The following NRG4 variants were observed in gnomAD, a reference collection of about 807,000 sequenced individuals.
The protein encoded by NRG4 is pro-neuregulin-4, membrane-bound isoform.
In NRG4, 10 loss-of-function variants were observed where a neutral mutation model predicts 15.0. That is an observed-to-expected ratio of 0.67 (90% CI 0.41 to 1.13). The LOEUF (loss-of-function observed/expected upper bound fraction) is 1.13, where lower values mean the gene tolerates loss of function less well. Among genes scored for constraint, NRG4 ranks in the 50% most tolerant of loss-of-function variants. NRG4 has a pLI of 0.00. For synonymous variants in NRG4, 41 were observed against 50.1 expected (o/e 0.82, Z 0.77); for missense variants, 139 against 140.2 (o/e 0.99, Z 0.04).
chr15:75,944,849 A>C (rs2031375505), intron 5 of NRG4, among the ~76,000 whole-genome samples: 1 of 152,088 alleles, frequency 6.6e-6, no homozygotes, highest in South Asian at 2.1e-4. Flanking sequence ...CGGTCAAATG[A>C]ACTAATTTTG....
At chr15:75,944,955 C>CTT (rs397714796) in intron 5 of NRG4, among the ~76,000 whole-genome samples, 36,912 of 148,972 alleles carry the variant, frequency 0.25, 5,372 homozygotes, top group Non-Finnish European at 0.33. Context: ...TTTTTTAATA[C>CTT]TTTTTTTTTT....
intron 3 of NRG4, among the ~76,000 whole-genome samples, chr15:75,979,249 T>C (rs762078871): frequency 3.3e-5 from 5 of 152,190 alleles, no homozygotes; most frequent in Non-Finnish European, 5.9e-5. Context: ...AATAGTTTCA[T>C]AGTTTCAGGT....
chr15:76,023,175 CACACACACAA>C (rs1472436938), intron 5 of NRG4, among the ~76,000 whole-genome samples: 1 of 139,590 alleles, frequency 7.2e-6, no homozygotes, highest in Non-Finnish European at 1.5e-5. Context: ...CACACACACA[CACACACACAA>C]GCAAGGACCA....
intron 4 of NRG4, among the ~76,000 whole-genome samples, chr15:76,048,238 G>A (rs987020816): frequency 6.7e-6 from 1 of 150,320 alleles, no homozygotes; most frequent in Non-Finnish European, 1.5e-5. Flanking sequence ...TTGGGAGGCC[G>A]AGGCAGGCAG....
intron 4 of NRG4, among the ~76,000 whole-genome samples, chr15:75,960,919 T>C (rs2032484392): frequency 1.3e-5 from 2 of 152,196 alleles, no homozygotes; most frequent in African/African-American, 4.8e-5. Context: ...GAATAAACTA[T>C]TTAATACCAC....
Position 76,022,116 on chromosome 15 carries a change from C to CCA in NRG4, c.-56-10831_-56-10830insTG, listed in dbSNP as rs2035174592. The stretch of plus-strand genomic sequence containing the variant: ...GCCTGCTGCTCACCTGCTGTGTGGC[C>CCA]TGGTTCCTAATAGGCCACAGTCTGG... On this transcript the variant is annotated intron_variant, in intron 5 of 8. Transcript: ENST00000563910. 2.6e-5 allele frequency among the ~76,000 whole-genome samples: 4 copies of CCA among 152,190 alleles called. 1 individual carries two copies. The highest frequency in any genetic ancestry group is 1.3e-4 in the Admixed American group (2 of 15,282).
intron 5 of NRG4, among the ~76,000 whole-genome samples, chr15:76,035,014 A>T (rs2035566690): frequency 6.6e-6 from 1 of 152,216 alleles, no homozygotes; most frequent in Non-Finnish European, 1.5e-5. Flanking sequence ...CTGCCATTGA[A>T]CGGCAGGCAC....
intron 3 of NRG4, among the ~76,000 whole-genome samples, chr15:75,980,558 T>C (rs2033565929): frequency 1.3e-5 from 2 of 152,170 alleles, no homozygotes; most frequent in South Asian, 4.1e-4. Flanking sequence ...TCAGTATGAA[T>C]GTCAGGCGTA....
intron 3 of NRG4, among the ~76,000 whole-genome samples, chr15:75,981,374 A>G (rs1427762465): frequency 6.6e-6 from 1 of 152,056 alleles, no homozygotes; most frequent in Non-Finnish European, 1.5e-5. Flanking sequence ...GAGAACAACC[A>G]CCCAGCATCA....
chr15:75,939,269 T>G (rs2030692147), downstream of NRG4: 1 of 152,080 alleles, frequency 6.6e-6, no homozygotes, highest in East Asian at 1.9e-4. Flanking sequence ...GCACTCTAGA[T>G]TCTAGAAAAA....
intron 5 of NRG4, among the ~76,000 whole-genome samples, chr15:76,032,846 T>C (rs185529204): frequency 1.3e-5 from 2 of 152,352 alleles, no homozygotes; most frequent in Admixed American, 6.5e-5. Flanking sequence ...TAAAAGTAGA[T>C]GTTCTGATAT....
intron 3 of NRG4, among the ~76,000 whole-genome samples, chr15:75,979,201 A>G (rs2033499369): frequency 6.6e-6 from 1 of 152,166 alleles, no homozygotes; most frequent in Admixed American, 6.5e-5. Context: ...CTTTGCCCAG[A>G]TCAGTGTCCT....
chr15:76,044,370 G>C (rs1391415013), intron 4 of NRG4, among the ~76,000 whole-genome samples: 1 of 150,596 alleles, frequency 6.6e-6, no homozygotes, highest in South Asian at 2.1e-4. Flanking sequence ...TCAATAAATG[G>C]TGCTGGGAAA....
At chr15:76,050,597 A>ATTTT (rs35228253) in intron 4 of NRG4, among the ~76,000 whole-genome samples, 3 of 108,954 alleles carry the variant, frequency 2.8e-5, no homozygotes, top group Admixed American at 9.7e-5. Flanking sequence ...CGCTCGGCTA[A>ATTTT]TTTTTTTTTT....
At position 76,043,327 on chromosome 15, in the gene NRG4, G is replaced by C. The variant is rs1381928365; in HGVS notation, c.-104-7336C>G. ...AATAGGACAAGAGAAAGAAATAAAGGGCATTCAGATTGGAAAGGAAGAAAT... is the reference window on the plus strand; with the variant it reads ...AATAGGACAAGAGAAAGAAATAAAGCGCATTCAGATTGGAAAGGAAGAAAT... On this transcript the variant is annotated intron_variant, in intron 4 of 8. Coordinates refer to the NRG4 transcript ENST00000563910. 2.0e-5 allele frequency among the ~76,000 whole-genome samples: 3 copies of C among 152,182 alleles called. No homozygotes were observed. In the East Asian group the frequency reaches 5.8e-4, roughly 29 times the overall value.
At chr15:75,950,628 T>G (rs2031821389) in intron 5 of NRG4, 2 of 234,446 alleles carry the variant, frequency 8.5e-6, no homozygotes, top group Non-Finnish European at 1.9e-5. Context: ...TTTGGATCTG[T>G]TTCAAGTAGC....
At chr15:75,975,651 T>G (rs1224940531) in intron 3 of NRG4, among the ~76,000 whole-genome samples, 1 of 152,210 alleles carries the variant, frequency 6.6e-6, no homozygotes, top group East Asian at 1.9e-4. Flanking sequence ...GAAAATTCTT[T>G]TCTTTAAGAA....
At chr15:76,015,557 G>A (rs1368716431), upstream of NRG4, among the ~76,000 whole-genome samples, 2 of 152,084 alleles carry the variant, frequency 1.3e-5, no homozygotes, top group South Asian at 4.1e-4. Context: ...TAGCATAAAG[G>A]GGTATTGACT....
chr15:76,021,126 C>A lies in NRG4; in HGVS notation c.-56-9840G>T, dbSNP rs114672407. Among the ~76,000 whole-genome samples the A allele has an allele frequency of 6.9e-3, 1,055 of 152,326 alleles. 17 individuals carry two copies. Among genetic ancestry groups the A allele is most frequent in the African/African-American group, 0.023 (967 of 41,568 alleles). ...TAAGCTGAAGCCAACACTCATCCAT[C>A]ATTCTGAAAATCCTAGGGCCCTTAA... On this transcript the variant is annotated intron_variant, in intron 5 of 8. Coordinates refer to the NRG4 transcript ENST00000563910.
Sources: allele counts gnomAD v4.1 joint callset (sites outside exome capture counted in the v4.1 genomes callset), GRCh38; gene constraint gnomAD v4.1.1; transcripts MANE v1.5; gene names NCBI Gene and HGNC (gene_info 2026-07-23, HGNC 2026-07-21).